Variants in C10orf90 observed in about 807,000 individuals in gnomAD.
The protein encoded by C10orf90 is (E2-independent) E3 ubiquitin-conjugating enzyme FATS.
Under a neutral mutation model 62.5 loss-of-function variants are expected in C10orf90, and 56 were observed. That is an observed-to-expected ratio of 0.90 (90% CI 0.72 to 1.12). The LOEUF (loss-of-function observed/expected upper bound fraction) is 1.12, where lower values mean the gene tolerates loss of function less well. Among genes scored for constraint, C10orf90 ranks in the 50% most tolerant of loss-of-function variants. The probability of loss-of-function intolerance (pLI) is 0.00; values close to 1 mark genes in which losing one functional copy is unlikely to be tolerated. For missense variants in C10orf90, 970 were observed against 880.4 expected, an observed-to-expected ratio of 1.10 and a Z score of -1.29; for synonymous variants, 386 against 340.4, an observed-to-expected ratio of 1.13 and a Z score of -1.47.
intron 2 of C10orf90, among the ~76,000 whole-genome samples, chr10:126,605,708 CA>C: frequency 6.6e-6 from 1 of 152,130 alleles, no homozygotes; most frequent in Non-Finnish European, 1.5e-5. Context: ...GGCTGCCTGC[CA>C]GGTGTGGCAT....
At chr10:126,522,169 G>A (rs1043201303) in intron 2 of C10orf90, among the ~76,000 whole-genome samples, 1 of 152,204 alleles carries the variant, frequency 6.6e-6, no homozygotes, top group Non-Finnish European at 1.5e-5. Flanking sequence ...TTGGGAGGCT[G>A]AGACAGGACA....
At chr10:126,566,493 C>A (rs1013873201) in intron 2 of C10orf90, among the ~76,000 whole-genome samples, 3 of 152,180 alleles carry the variant, frequency 2.0e-5, no homozygotes, top group Non-Finnish European at 4.4e-5. Flanking sequence ...ATGAGGGATA[C>A]TGGGGCAGCC....
chr10:126,468,410 G>C (rs1467840143), intron 4 of C10orf90, among the ~76,000 whole-genome samples: 5 of 152,208 alleles, frequency 3.3e-5, no homozygotes, highest in African/African-American at 9.6e-5. Context: ...GTATCTGTTA[G>C]ATAAAAGCTT....
chr10:126,525,970 G>A (rs978318700), intron 2 of C10orf90, among the ~76,000 whole-genome samples: 6 of 150,200 alleles, frequency 4.0e-5, no homozygotes, highest in African/African-American at 1.5e-4. Context: ...CTCTTAAATG[G>A]GTAGGCACAT....
At position 126,453,422 on chromosome 10, in the gene C10orf90, G is replaced by T. The variant is rs776054084; in HGVS notation, c.2188+5618C>A. ...CAAGATGCAAAGAGTGTTCAAATGGGAGTGAGAGGAGAGGAGAGGGAGTGA... is the reference window on the plus strand; with the variant it reads ...CAAGATGCAAAGAGTGTTCAAATGGTAGTGAGAGGAGAGGAGAGGGAGTGA... On this transcript the variant is annotated intron_variant, in intron 7 of 9. Transcript: ENST00000488181. This position sits in a 1 kb window ranked among gnomAD's most constrained non-coding sequence, Gnocchi z 4.9. Among the ~76,000 whole-genome samples the T allele has an allele frequency of 7.2e-5, 11 of 152,176 alleles. No homozygotes were observed. Among genetic ancestry groups the T allele is most frequent in the Non-Finnish European group, 1.6e-4 (11 of 68,034 alleles).
At chr10:126,561,826 A>G (rs7078314) in intron 2 of C10orf90, among the ~76,000 whole-genome samples, 141,469 of 152,256 alleles carry the variant, frequency 0.93, 65,940 homozygotes, top group African/African-American at 0.98. Flanking sequence ...GCTGAGCGCC[A>G]GTCAACACCT....
chr10:126,626,495 C>T (rs1845746230), intron 2 of C10orf90, among the ~76,000 whole-genome samples: 1 of 152,164 alleles, frequency 6.6e-6, no homozygotes, highest in Non-Finnish European at 1.5e-5. Context: ...AAAGAGCCAC[C>T]TGTCTTGCCT....
At chr10:126,442,478 CATATAT>C (rs55780866) in intron 7 of C10orf90, among the ~76,000 whole-genome samples, 7,171 of 33,790 alleles carry the variant, frequency 0.21, 996 homozygotes, top group South Asian at 0.43. Context: ...TTCAATATTT[CATATAT>C]ATATATATAT....
chr10:126,481,312 C>A (rs974629133), intron 4 of C10orf90, among the ~76,000 whole-genome samples: 7 of 152,254 alleles, frequency 4.6e-5, no homozygotes, highest in African/African-American at 1.7e-4. Context: ...CCATTTGCAT[C>A]TATGCAATAG....
chr10:126,627,139 A>G (rs993293767), intron 2 of C10orf90, among the ~76,000 whole-genome samples: 2 of 151,614 alleles, frequency 1.3e-5, no homozygotes, highest in Non-Finnish European at 2.9e-5. Context: ...AGCTGGGATT[A>G]CAGGCATGCG....
chr10:126,514,673 A>G (rs2053221), intron 2 of C10orf90, among the ~76,000 whole-genome samples: 135,499 of 152,184 alleles, frequency 0.89, 60,551 homozygotes, highest in African/African-American at 0.97. Flanking sequence ...CGGAGTCCTG[A>G]GCAGAAGCTT....
chr10:126,597,934 G>T (rs1433685905), intron 2 of C10orf90, among the ~76,000 whole-genome samples: 1 of 152,080 alleles, frequency 6.6e-6, no homozygotes, highest in African/African-American at 2.4e-5. Flanking sequence ...CCATTTCCAG[G>T]TTGACTTGGA....
At chr10:126,511,923 G>A (rs2133912116) in intron 3 of C10orf90, 1 of 151,756 alleles carries the variant, frequency 6.6e-6, no homozygotes, top group East Asian at 1.9e-4. Context: ...TAATCATTTG[G>A]CAGAAAAGGT....
At chr10:126,544,414 G>C (rs1296143410) in intron 2 of C10orf90, among the ~76,000 whole-genome samples, 1 of 152,066 alleles carries the variant, frequency 6.6e-6, no homozygotes, top group Non-Finnish European at 1.5e-5. Flanking sequence ...CCAGGCGCTC[G>C]TGGGCCACTA....
At chr10:126,505,386 C>A (rs1862676187) in intron 3 of C10orf90, among the ~76,000 whole-genome samples, 1 of 152,184 alleles carries the variant, frequency 6.6e-6, no homozygotes. Flanking sequence ...AATTCGATAA[C>A]CACCTCCGCC....
chr10:126,635,269 C>T (rs7475795), intron 2 of C10orf90, among the ~76,000 whole-genome samples: 1,772 of 152,264 alleles, frequency 0.012, 37 homozygotes, highest in African/African-American at 0.036. Context: ...TTCTAAAGCA[C>T]GGTCCTATTA....
At chr10:126,508,158 TGAGAGA>T (rs57143666) in intron 3 of C10orf90, among the ~76,000 whole-genome samples, 125 of 131,526 alleles carry the variant, frequency 9.5e-4, no homozygotes, top group Admixed American at 1.3e-3. Flanking sequence ...AATGAGTGAG[TGAGAGA>T]GAGAGAGAGA....
chr10:126,631,991 C>T (rs1845859258), intron 2 of C10orf90, among the ~76,000 whole-genome samples: 1 of 152,088 alleles, frequency 6.6e-6, no homozygotes, highest in African/African-American at 2.4e-5. Context: ...AGCTGGAATA[C>T]AGTGGCCTTG....
chr10:126,525,361 A>G (rs1163066132), intron 2 of C10orf90, among the ~76,000 whole-genome samples: 1 of 152,168 alleles, frequency 6.6e-6, no homozygotes, highest in African/African-American at 2.4e-5. Context: ...AGACACAAAA[A>G]TATTTTCATA....
Sources: gnomAD v4.1 joint callset for allele counts (sites outside exome capture counted in the v4.1 genomes callset) on GRCh38, gnomAD v4.1.1 for gene constraint, Gnocchi (gnomAD v3.1) non-coding constraint, MANE v1.5 for transcripts, NCBI Gene and HGNC (gene_info 2026-07-23, HGNC 2026-07-21) for gene names.